Variants in EML5 observed in about 807,000 individuals in gnomAD.
EML5 encodes the protein echinoderm microtubule-associated protein-like 5.
In EML5, 120 loss-of-function variants were observed where a neutral mutation model predicts 250.0. That is an observed-to-expected ratio of 0.48 (90% CI 0.41 to 0.56). The LOEUF is 0.56. Ranked by LOEUF, EML5 falls within the 20% of genes least tolerant of loss-of-function variation. EML5 has a pLI of 0.00. For missense variants in EML5, 2,006 were observed against 2,437.6 expected, an observed-to-expected ratio of 0.82 and a Z score of 3.73; for synonymous variants, 771 against 806.5, an observed-to-expected ratio of 0.96 and a Z score of 0.75.
chr14:88,684,417 G>A lies in EML5; in HGVS notation c.2982+598C>T, dbSNP rs1004966351. On this transcript the variant is annotated intron_variant, in intron 20 of 43. Transcript: ENST00000554922. ...GATCTCCTGACCTCGTGATCCGCCC[G>A]CCTCGGCCTCCCAAAGTGCTGGGAT... is the stretch of plus-strand genomic sequence containing the variant. Among the ~76,000 whole-genome samples the A allele has an allele frequency of 4.3e-5, 6 of 139,726 alleles. No homozygotes were observed. The East Asian group carries it at 1.3e-3, about 30-fold the overall frequency. 91.7% of individuals were successfully genotyped at this position (139,726 alleles called of 152,430 possible).
chr14:88,616,485 A>C (rs1330747911), intron 42 of EML5: 1 of 604,020 alleles, frequency 1.7e-6, no homozygotes, highest in Non-Finnish European at 2.9e-6. Flanking sequence ...AAATTTGATA[A>C]CTGATTATAG....
At chr14:88,703,418 C>T (rs1411526656) in intron 13 of EML5, among the ~76,000 whole-genome samples, 3 of 152,010 alleles carry the variant, frequency 2.0e-5, no homozygotes, top group Non-Finnish European at 4.4e-5. Flanking sequence ...AACGTATATT[C>T]CAAAAATAAG....
intron 30 of EML5, among the ~76,000 whole-genome samples, chr14:88,644,136 A>G (rs1322164292): frequency 6.6e-6 from 1 of 152,288 alleles, no homozygotes; most frequent in Admixed American, 6.5e-5. Context: ...GATACTGCCA[A>G]GGTGTCTGTG....
At chr14:88,711,033 A>C (rs1022590097) in intron 10 of EML5, among the ~76,000 whole-genome samples, 1 of 152,182 alleles carries the variant, frequency 6.6e-6, no homozygotes, top group Non-Finnish European at 1.5e-5. Context: ...TGAAACAGTA[A>C]GTAGGAGCAA....
At chr14:88,665,822 T>C (rs57118463) in intron 21 of EML5, among the ~76,000 whole-genome samples, 36,319 of 151,884 alleles carry the variant, frequency 0.24, 4,537 homozygotes, top group East Asian at 0.37. Context: ...GCGGGAGGAC[T>C]GTTTGAGCCC....
chr14:88,618,135 T>A (rs780617055), intron 41 of EML5, 93 bp downstream of exon 41: 10 of 999,512 alleles, frequency 1.0e-5, no homozygotes, highest in Non-Finnish European at 1.3e-5. Context: ...TCAATTACTA[T>A]TCCTTATTGG....
intron 1 of EML5, among the ~76,000 whole-genome samples, chr14:88,778,275 A>G (rs1680902216): frequency 6.6e-6 from 1 of 152,214 alleles, no homozygotes; most frequent in Admixed American, 6.5e-5. Flanking sequence ...CAGCAAGAGA[A>G]AGTTCTTACT....
At chr14:88,627,569 A>G in intron 34 of EML5, 77 bp downstream of exon 34, 2 of 1,426,676 alleles carry the variant, frequency 1.4e-6, no homozygotes, top group Admixed American at 4.8e-5. Flanking sequence ...CAACTTTAAG[A>G]CAAATATTAA....
chr14:88,755,714 T>C (rs1178449783), intron 1 of EML5, among the ~76,000 whole-genome samples: 3 of 152,112 alleles, frequency 2.0e-5, no homozygotes, highest in African/African-American at 7.2e-5. Flanking sequence ...GAATCAAGGC[T>C]GGGTGTAGCG....
intron 27 of EML5, among the ~76,000 whole-genome samples, chr14:88,654,682 G>A (rs1029415495): frequency 5.9e-5 from 9 of 152,128 alleles, no homozygotes; most frequent in South Asian, 2.1e-4. Context: ...CATTTGCTGA[G>A]GAGTGTTTTA....
chr14:88,642,894 T>C lies in EML5; in HGVS notation c.4236A>G (p.Thr1412=), dbSNP rs770396772. The C allele has an allele frequency of 6.2e-7, 1 of 1,600,006 alleles. No individual in the cohort carries two copies. Among genetic ancestry groups the C allele is most frequent in the South Asian group, 1.1e-5 (1 of 87,060 alleles). ...ASVGILHNVA[T]GSQSFYQEHN... ...GGATGGAGAATCAGGGTTTCCTACC[T>C]GTAGCAACATTGTGCAGAATTCCAA... The change falls in exon 31 of 44, where the codon ACA becomes ACG. Residue 1412 remains threonine, a splice_region_variant and synonymous_variant. Coordinates refer to ENST00000554922, the MANE Select transcript of EML5 (RefSeq NM_183387.3).
intron 1 of EML5, among the ~76,000 whole-genome samples, chr14:88,785,900 TTAAA>T (rs1039853391): frequency 6.6e-6 from 1 of 152,112 alleles, no homozygotes; most frequent in Non-Finnish European, 1.5e-5. Flanking sequence ...ACTATTTTGA[TTAAA>T]TAGTTCCAAT....
intron 28 of EML5, among the ~76,000 whole-genome samples, chr14:88,649,582 G>GTTA (rs1420414109): frequency 1.3e-5 from 2 of 152,112 alleles, no homozygotes; most frequent in African/African-American, 2.4e-5. Flanking sequence ...GTTTAAAATT[G>GTTA]AATAGTCTTT....
chr14:88,644,419 T>G lies in EML5; in HGVS notation c.4107+14A>C. Reference sequence around the variant, plus strand: ...GATACATTTCAGTAACACTGGAGAGTGAGTTTTCCTTACCTCTATAGGTCT... The same window carrying G: ...GATACATTTCAGTAACACTGGAGAGGGAGTTTTCCTTACCTCTATAGGTCT... On this transcript the variant is annotated intron_variant, in intron 30 of 43. Coordinates refer to ENST00000554922, the MANE Select transcript of EML5 (RefSeq NM_183387.3). The G allele has an allele frequency of 2.2e-5, 36 of 1,610,862 alleles. No homozygotes were observed. The highest frequency in any genetic ancestry group is 2.9e-5 in the Non-Finnish European group (34 of 1,177,786).
intron 1 of EML5, among the ~76,000 whole-genome samples, chr14:88,756,290 T>C (rs2094157893): frequency 6.6e-6 from 1 of 152,048 alleles, no homozygotes; most frequent in African/African-American, 2.4e-5. Context: ...ACAGAAAAAT[T>C]ATTTGACAAA....
chr14:88,679,175 T>C (rs2092663469), intron 21 of EML5, among the ~76,000 whole-genome samples: 1 of 145,240 alleles, frequency 6.9e-6, no homozygotes, highest in Non-Finnish European at 1.5e-5. Context: ...AGTATGCCTT[T>C]GTCTTAAACT....
chr14:88,775,338 T>A (rs572627170), intron 1 of EML5, among the ~76,000 whole-genome samples: 5 of 151,692 alleles, frequency 3.3e-5, no homozygotes, highest in African/African-American at 1.2e-4. Flanking sequence ...AGAACCTGAC[T>A]CTTAGATGGC....
At chr14:88,711,711 A>C (rs2093410888) in intron 10 of EML5, among the ~76,000 whole-genome samples, 1 of 152,092 alleles carries the variant, frequency 6.6e-6, no homozygotes, top group Non-Finnish European at 1.5e-5. Context: ...TGGGAGGCTG[A>C]CGTGGGGAGA....
At chr14:88,677,564 G>T (rs1420936865) in intron 21 of EML5, among the ~76,000 whole-genome samples, 1 of 152,160 alleles carries the variant, frequency 6.6e-6, no homozygotes, top group Non-Finnish European at 1.5e-5. Context: ...TCTGACAAAG[G>T]TCTAATATCC....
Sources: gnomAD v4.1 joint callset for allele counts (sites outside exome capture counted in the v4.1 genomes callset) on GRCh38, gnomAD v4.1.1 for gene constraint, MANE v1.5 for transcripts, NCBI Gene and HGNC (gene_info 2026-07-23, HGNC 2026-07-21) for gene names.